The following FHIP1A variants were observed in gnomAD, a reference collection of about 807,000 sequenced individuals.
FHIP1A encodes FHF complex subunit HOOK-interacting protein 1A.
Under a neutral mutation model 88.6 loss-of-function variants are expected in FHIP1A, and 61 were observed. The ratio of observed to expected loss-of-function variants is 0.69; its 90% CI spans 0.56 to 0.85. FHIP1A has a LOEUF of 0.85. Ranked by LOEUF, FHIP1A falls within the 40% of genes least tolerant of loss-of-function variation. The probability of loss-of-function intolerance (pLI) is 0.00; values close to 1 mark genes in which losing one functional copy is unlikely to be tolerated. For missense variants in FHIP1A, 1,154 were observed against 1,273.5 expected (o/e 0.91, Z 1.43); for synonymous variants, 478 against 496.0 (o/e 0.96, Z 0.48).
chr4:151,591,308 A>G (rs1241957952), intron 7 of FHIP1A, among the ~76,000 whole-genome samples: 1 of 151,808 alleles, frequency 6.6e-6, no homozygotes, highest in Non-Finnish European at 1.5e-5. Flanking sequence ...GTCATATCCC[A>G]TTTCCTGTAT....
chr4:151,524,353 C>G (rs554568703), intron 3 of FHIP1A, among the ~76,000 whole-genome samples: 7 of 152,090 alleles, frequency 4.6e-5, no homozygotes, highest in East Asian at 1.9e-4. Flanking sequence ...CTTGCCATCC[C>G]TCTTAGATGA....
chr4:151,441,537 T>A (rs940823060), intron 1 of FHIP1A, among the ~76,000 whole-genome samples: 2 of 152,180 alleles, frequency 1.3e-5, no homozygotes, highest in Non-Finnish European at 2.9e-5. Context: ...CTGGGAAAGA[T>A]GGTTGCTAAT....
chr4:151,473,158 T>G (rs1729585115), intron 2 of FHIP1A, among the ~76,000 whole-genome samples: 1 of 152,140 alleles, frequency 6.6e-6, no homozygotes, highest in Admixed American at 6.5e-5. Context: ...CCTTTTATAC[T>G]GGTAAATGAA....
intron 1 of FHIP1A, among the ~76,000 whole-genome samples, chr4:151,414,509 T>C (rs1291761307): frequency 6.6e-6 from 1 of 152,244 alleles, no homozygotes; most frequent in African/African-American, 2.4e-5. Context: ...TAATTACTTT[T>C]ACTTAGAAGT....
intron 3 of FHIP1A, among the ~76,000 whole-genome samples, chr4:151,523,167 C>T (rs1560746760): frequency 6.6e-6 from 1 of 152,056 alleles, no homozygotes; most frequent in Admixed American, 6.5e-5. Context: ...GTGGTTGAGG[C>T]GGTTGCAGGA....
chr4:151,656,834 A>T lies in FHIP1A; in HGVS notation c.2805A>T (p.Gln935His). Residue 935 changes from glutamine to histidine, a missense_variant, in exon 13 of 14, where the codon CAA becomes CAT. Gln to His is a conservative substitution (Grantham distance 24). Coordinates refer to ENST00000435205, the MANE Select transcript of FHIP1A (RefSeq NM_001109977.3). This position sits in a 1 kb window ranked among gnomAD's most constrained non-coding sequence, Gnocchi z 4.2. ...VERDFPGLLI[Q>H]AQQYLLFRVD... Reference sequence around the variant, plus strand: ...GAGACTTCCCAGGGCTCCTCATTCAAGCTCAGCAGTACCTGCTCTTCCGTG... The same window carrying T: ...GAGACTTCCCAGGGCTCCTCATTCATGCTCAGCAGTACCTGCTCTTCCGTG... 6.4e-7 allele frequency: 1 copy of T among 1,551,624 alleles called. No individual in the cohort carries two copies. The highest frequency in any genetic ancestry group is 8.7e-7 in the Non-Finnish European group (1 of 1,146,948).
At chr4:151,566,107 A>T in intron 3 of FHIP1A, 31 bp from the exon 4 acceptor site, 1 of 509,900 alleles carries the variant, frequency 2.0e-6, no homozygotes, top group South Asian at 2.7e-5. Flanking sequence ...TGAACATAAT[A>T]AAATTCATTT....
At position 151,656,667 on chromosome 4, in the gene FHIP1A, C is replaced by G; in HGVS notation, c.2731-93C>G. The G allele has an allele frequency of 2.3e-6, 3 of 1,319,682 alleles. No homozygotes were observed. Among genetic ancestry groups the G allele is most frequent in the Non-Finnish European group, 3.1e-6 (3 of 960,502 alleles). 81.7% of individuals were successfully genotyped at this position (1,319,682 alleles called of 1,614,324 possible). ...ACAAATGTCTAACATCATAATAGTT[C>G]CCATAATGAGGGTGCTACCTGCAAG... On this transcript the variant is annotated intron_variant, in intron 12 of 13. Transcript: ENST00000435205. The surrounding 1 kb of genome is among the most constrained non-coding windows in gnomAD (Gnocchi z 4.2).
At chr4:151,476,209 A>G (rs1368324578) in intron 2 of FHIP1A, among the ~76,000 whole-genome samples, 1 of 134,464 alleles carries the variant, frequency 7.4e-6, no homozygotes, top group Non-Finnish European at 1.5e-5. Context: ...TGGCAAGATC[A>G]TGGCTCACTG....
chr4:151,514,148 C>T (rs1181865697), intron 3 of FHIP1A, among the ~76,000 whole-genome samples: 2 of 152,214 alleles, frequency 1.3e-5, no homozygotes, highest in African/African-American at 4.8e-5. Flanking sequence ...GATTAAGAAA[C>T]TCACTCAAAA....
In FHIP1A at chr4:151,594,050, C is replaced by T. The variant is rs181008579; in HGVS notation, c.978+5124C>T. Among the ~76,000 whole-genome samples, 10 of 152,138 alleles carry T rather than the reference C, an allele frequency of 6.6e-5. No individual in the cohort carries two copies. In the East Asian group the frequency reaches 9.7e-4, roughly 15 times the overall value. ...GTTTTTGTAATTGGTTCTGTTTATG[C>T]GATGGATTAGGTTTATTGATTTGCA... On this transcript the variant is annotated intron_variant, in intron 7 of 13. Coordinates refer to ENST00000435205, the MANE Select transcript of FHIP1A (RefSeq NM_001109977.3).
intron 3 of FHIP1A, among the ~76,000 whole-genome samples, chr4:151,535,264 A>C (rs1435277791): frequency 6.6e-6 from 1 of 152,200 alleles, no homozygotes; most frequent in Non-Finnish European, 1.5e-5. Context: ...TGACACTGAA[A>C]ACCTAAAAGC....
chr4:151,488,945 A>G (rs757427182), intron 3 of FHIP1A, among the ~76,000 whole-genome samples: 5 of 152,212 alleles, frequency 3.3e-5, no homozygotes, highest in Non-Finnish European at 4.4e-5. Context: ...AGGAGACAGG[A>G]TTAACAGGCA....
chr4:151,537,423 T>C (rs1204854819), intron 3 of FHIP1A, among the ~76,000 whole-genome samples: 3 of 152,224 alleles, frequency 2.0e-5, no homozygotes, highest in African/African-American at 7.2e-5. Flanking sequence ...CTCAGAATTA[T>C]CTCTGTTCAT....
chr4:151,426,242 A>G (rs1733370042), intron 1 of FHIP1A, among the ~76,000 whole-genome samples: 1 of 152,150 alleles, frequency 6.6e-6, no homozygotes, highest in Admixed American at 6.6e-5. Flanking sequence ...AATTTCCATA[A>G]TAAAAAACAA....
intron 1 of FHIP1A, among the ~76,000 whole-genome samples, chr4:151,452,951 T>TATATATATATATAC (rs1266623899): frequency 3.6e-4 from 43 of 119,410 alleles, no homozygotes; most frequent in African/African-American, 1.2e-3. Flanking sequence ...TATATATATA[T>TATATATATATATAC]ACATACACAC....
Position 151,656,893 on chromosome 4 carries a change from C to T in FHIP1A, c.2864C>T (p.Thr955Ile), listed in dbSNP as rs1049991312. Reference sequence around the variant, plus strand: ...TCTGATATGACCCCTGCAGCACTAACCAAAGGTAAGCCAGGTTTCTCCACA... The same window carrying T: ...TCTGATATGACCCCTGCAGCACTAATCAAAGGTAAGCCAGGTTTCTCCACA... The part of the protein sequence containing the change: ...DMSDMTPAAL[T>I]KDPIQEASRT... Residue 955 changes from threonine to isoleucine, a missense_variant, in exon 13 of 14, where the codon ACC becomes ATC. Physicochemically the swap from Thr to Ile is moderately conservative, Grantham distance 89. Coordinates refer to ENST00000435205, the MANE Select transcript of FHIP1A (RefSeq NM_001109977.3). This position sits in a 1 kb window ranked among gnomAD's most constrained non-coding sequence, Gnocchi z 4.2. The T allele has an allele frequency of 1.3e-6, 2 of 1,549,060 alleles. No individual in the cohort carries two copies. The highest frequency in any genetic ancestry group is 4.9e-5 in the East Asian group (2 of 40,868).
At chr4:151,488,535 C>G (rs1393015698) in intron 3 of FHIP1A, among the ~76,000 whole-genome samples, 2 of 152,204 alleles carry the variant, frequency 1.3e-5, no homozygotes, top group African/African-American at 2.4e-5. Context: ...TGTATCCAGT[C>G]CACTGTTGAT....
At chr4:151,597,790 C>G (rs1354329504) in intron 7 of FHIP1A, among the ~76,000 whole-genome samples, 1 of 152,184 alleles carries the variant, frequency 6.6e-6, no homozygotes, top group Non-Finnish European at 1.5e-5. Context: ...GCGGAGGGCT[C>G]TGTCCAGTTC....
Sources: gnomAD v4.1 joint callset for allele counts (sites outside exome capture counted in the v4.1 genomes callset) on GRCh38, gnomAD v4.1.1 for gene constraint, Gnocchi (gnomAD v3.1) non-coding constraint, MANE v1.5 for transcripts, NCBI Gene and HGNC (gene_info 2026-07-23, HGNC 2026-07-21) for gene names.